The following CSMD3 variants were observed in gnomAD, a reference collection of about 807,000 sequenced individuals.
CSMD3 encodes the protein CUB and sushi domain-containing protein 3.
Under a neutral mutation model 435.2 loss-of-function variants are expected in CSMD3, and 177 were observed. The observed-to-expected ratio is 0.41, with a 90% confidence interval of 0.36 to 0.46. CSMD3 has a LOEUF of 0.46. Among genes scored for constraint, CSMD3 ranks in the 20% least tolerant of loss-of-function variants. CSMD3 has a pLI of 0.34. For missense variants in CSMD3, 4,265 were observed against 4,504.6 expected (o/e 0.95, Z 1.52); for synonymous variants, 1,656 against 1,520.5 (o/e 1.09, Z -2.07).
intron 32 of CSMD3, among the ~76,000 whole-genome samples, chr8:112,420,025 A>G (rs1310109450): frequency 6.6e-6 from 1 of 152,184 alleles, no homozygotes; most frequent in African/African-American, 2.4e-5. Context: ...CTTTTATTTA[A>G]TCACCTTTCA....
chr8:113,392,421 A>G (rs1032120892), intron 1 of CSMD3, among the ~76,000 whole-genome samples: 2 of 152,116 alleles, frequency 1.3e-5, no homozygotes, highest in Admixed American at 6.6e-5. Flanking sequence ...ATGCCTGTGC[A>G]GTGGCTATGG....
At position 113,098,782 on chromosome 8, in the gene CSMD3, T is replaced by A. The variant is rs1168339670; in HGVS notation, c.891A>T (p.Ile297=). Residue 297 remains isoleucine, a synonymous_variant, in exon 5 of 71, where the codon ATA becomes ATT. Coordinates refer to ENST00000297405, the MANE Select transcript of CSMD3 (RefSeq NM_198123.2). ...ATATGGTAGGTGGCTCAGAACCTTC[T>A]ATTTCTAAGTAATCATATTTCTCTT... is the stretch of plus-strand genomic sequence containing the variant. ...QMEEKYDYLE[I]EGSEPPTIWL... 2 of 1,611,960 alleles carry A rather than the reference T, an allele frequency of 1.2e-6. No individual in the cohort carries two copies. The highest frequency in any genetic ancestry group is 3.3e-5 in the Admixed American group (2 of 59,878).
chr8:112,275,413 G>A (rs1238867243), intron 59 of CSMD3, among the ~76,000 whole-genome samples: 1 of 152,092 alleles, frequency 6.6e-6, no homozygotes, highest in East Asian at 1.9e-4. Flanking sequence ...CAGGCATGGT[G>A]GTGGGTGTCT....
chr8:112,739,378 G>T (rs891190728), intron 13 of CSMD3, among the ~76,000 whole-genome samples: 2 of 151,652 alleles, frequency 1.3e-5, no homozygotes, highest in Non-Finnish European at 3.0e-5. Context: ...ATGAATAGTG[G>T]CTGACCTCCT....
At chr8:113,400,778 G>T (rs1341187868) in intron 1 of CSMD3, among the ~76,000 whole-genome samples, 1 of 151,764 alleles carries the variant, frequency 6.6e-6, no homozygotes, top group Non-Finnish European at 1.5e-5. Flanking sequence ...TACAAACCCA[G>T]GAATTACAGG....
chr8:113,259,841 T>C (rs1290211301), intron 3 of CSMD3, among the ~76,000 whole-genome samples: 1 of 152,066 alleles, frequency 6.6e-6, no homozygotes. Flanking sequence ...AGTGATATGG[T>C]TTGGCTGTGT....
chr8:113,149,228 T>C (rs2091750119), intron 4 of CSMD3, among the ~76,000 whole-genome samples: 1 of 151,826 alleles, frequency 6.6e-6, no homozygotes, highest in South Asian at 2.1e-4. Context: ...ACACGGAAAA[T>C]GCTCACCATA....
chr8:113,236,145 C>T (rs1265675659), intron 3 of CSMD3, among the ~76,000 whole-genome samples: 1 of 152,176 alleles, frequency 6.6e-6, no homozygotes, highest in Non-Finnish European at 1.5e-5. Context: ...ATTTTATATG[C>T]TAATGATACA....
intron 41 of CSMD3, among the ~76,000 whole-genome samples, 172 bp downstream of exon 41, chr8:112,345,925 A>G (rs1033601257): frequency 1.1e-4 from 17 of 152,172 alleles, no homozygotes; most frequent in Non-Finnish European, 4.4e-5. Context: ...AATGTATTTG[A>G]CTTAAGCAAC....
intron 3 of CSMD3, among the ~76,000 whole-genome samples, chr8:113,241,721 A>G (rs2093220072): frequency 6.6e-6 from 1 of 151,970 alleles, no homozygotes; most frequent in Non-Finnish European, 1.5e-5. Flanking sequence ...GGTAACACCT[A>G]AAGTATTATG....
chr8:113,013,497 G>A (rs1045612556), intron 6 of CSMD3, among the ~76,000 whole-genome samples: 6 of 151,962 alleles, frequency 3.9e-5, no homozygotes, highest in Admixed American at 2.0e-4. Flanking sequence ...GGGTGGTATG[G>A]CTATCCATTG....
intron 36 of CSMD3, among the ~76,000 whole-genome samples, chr8:112,388,040 C>T (rs1563877940): frequency 6.6e-6 from 1 of 152,026 alleles, no homozygotes; most frequent in Admixed American, 6.5e-5. Flanking sequence ...GGAAGGTCTT[C>T]CACAGAAAAT....
chr8:112,981,876 T>C (rs2085065557), intron 6 of CSMD3, among the ~76,000 whole-genome samples: 1 of 151,696 alleles, frequency 6.6e-6, no homozygotes, highest in African/African-American at 2.4e-5. Context: ...TGGTGAACCA[T>C]GACAAAACAA....
At chr8:113,067,108 G>C (rs1001907551) in intron 5 of CSMD3, among the ~76,000 whole-genome samples, 2 of 152,016 alleles carry the variant, frequency 1.3e-5, no homozygotes, top group African/African-American at 4.8e-5. Flanking sequence ...CTTTTTCTCT[G>C]AAAATTTCCT....
intron 10 of CSMD3, among the ~76,000 whole-genome samples, chr8:112,875,846 C>T (rs2081267101): frequency 6.6e-6 from 1 of 151,976 alleles, no homozygotes; most frequent in African/African-American, 2.4e-5. Flanking sequence ...CTTAGCTTCC[C>T]TGTATTGGGT....
intron 29 of CSMD3, among the ~76,000 whole-genome samples, chr8:112,506,288 G>A (rs1822509499): frequency 6.6e-6 from 1 of 151,990 alleles, no homozygotes; most frequent in South Asian, 2.1e-4. Flanking sequence ...AAAAACTAAG[G>A]AGCTTTAACA....
Position 112,636,830 on chromosome 8 carries a change from C to G in CSMD3, c.3702G>C (p.Leu1234=), listed in dbSNP as rs766189255. The G allele has an allele frequency of 6.2e-7, 1 of 1,613,168 alleles. No individual in the cohort carries two copies. Among genetic ancestry groups the G allele is most frequent in the Non-Finnish European group, 8.5e-7 (1 of 1,179,538 alleles). The part of the protein sequence containing the change: ...GGGRRVWSAP[L]PRCVAECGAS... ...CTGACCACGTACCCACACACCTTGG[C>G]AGAGGTGCACTCCACACTCGTCGGC... is the stretch of plus-strand genomic sequence containing the variant. Residue 1234 remains leucine (L), a synonymous_variant, in exon 22 of 71, where the codon CTG becomes CTC. Coordinates refer to ENST00000297405, the MANE Select transcript of CSMD3 (RefSeq NM_198123.2).
At chr8:112,794,662 A>T (rs2132305537) in intron 13 of CSMD3, among the ~76,000 whole-genome samples, 1 of 152,234 alleles carries the variant, frequency 6.6e-6, no homozygotes, top group Non-Finnish European at 1.5e-5. Context: ...GTACAGAATT[A>T]GGAGAAATAA....
chr8:112,821,910 C>T lies in CSMD3; in HGVS notation c.1859+7776G>A, dbSNP rs1211890226. The stretch of plus-strand genomic sequence containing the variant: ...AGCACCATTCATTGAATAAGAAACC[C>T]TTTCTCCATTGCTTGTTTTTGTTAG... On this transcript the variant is annotated intron_variant, in intron 12 of 70. Transcript: ENST00000297405. Among the ~76,000 whole-genome samples, 3 of 152,206 alleles carry T rather than the reference C, an allele frequency of 2.0e-5. No homozygotes were observed. The East Asian group carries it at 5.8e-4, about 29-fold the overall frequency.
Sources: allele counts gnomAD v4.1 joint callset (sites outside exome capture counted in the v4.1 genomes callset), GRCh38; gene constraint gnomAD v4.1.1; transcripts MANE v1.5; gene names NCBI Gene and HGNC (gene_info 2026-07-23, HGNC 2026-07-21).